Variants in PPM1E observed in about 807,000 individuals in gnomAD.
The protein encoded by PPM1E is protein phosphatase, Mg2+/Mn2+ dependent 1E, also known as protein phosphatase 1E.
A neutral mutation model predicts 65.9 loss-of-function variants in PPM1E; 20 were observed. The observed-to-expected ratio is 0.30, with a 90% CI of 0.21 to 0.44. PPM1E has a LOEUF of 0.44. PPM1E is among the 20% of genes least tolerant of loss of function. The pLI, the probability that PPM1E is intolerant of heterozygous loss-of-function variation, is 1.00. For missense variants in PPM1E, 713 were observed against 953.1 expected (o/e 0.75, Z 3.32); for synonymous variants, 352 against 374.9 (o/e 0.94, Z 0.70).
At chr17:58,886,925 T>C (rs961582996) in intron 1 of PPM1E, among the ~76,000 whole-genome samples, 8 of 152,152 alleles carry the variant, frequency 5.3e-5, no homozygotes, top group Admixed American at 4.6e-4. Flanking sequence ...GGGAACTCTC[T>C]GTACTTCTTC....
At chr17:58,767,152 A>G (rs1459015644) in intron 1 of PPM1E, among the ~76,000 whole-genome samples, 1 of 152,162 alleles carries the variant, frequency 6.6e-6, no homozygotes, top group Non-Finnish European at 1.5e-5. Flanking sequence ...TATGAATAGT[A>G]GACACCTGTT....
intron 2 of PPM1E, among the ~76,000 whole-genome samples, chr17:58,956,236 C>A (rs1369430712): frequency 6.6e-6 from 1 of 152,026 alleles, no homozygotes; most frequent in African/African-American, 2.4e-5. Context: ...GAGTTTGAGA[C>A]CAGCCTGGCC....
chr17:58,953,686 A>G (rs1464346708), intron 1 of PPM1E, among the ~76,000 whole-genome samples: 2 of 152,058 alleles, frequency 1.3e-5, no homozygotes, highest in Non-Finnish European at 2.9e-5. Flanking sequence ...CTCAAATGCC[A>G]GACTAGAATA....
chr17:58,904,151 A>T (rs1250848564), intron 1 of PPM1E, among the ~76,000 whole-genome samples: 3 of 152,174 alleles, frequency 2.0e-5, no homozygotes, highest in African/African-American at 7.2e-5. Flanking sequence ...CATAATAAAT[A>T]AAAAAGGTAC....
At chr17:58,979,382 A>AT (rs1439101494) in intron 6 of PPM1E, among the ~76,000 whole-genome samples, 2 of 152,242 alleles carry the variant, frequency 1.3e-5, no homozygotes, top group African/African-American at 4.8e-5. Context: ...GGTCAGCCAC[A>AT]TAACTCCTCC....
At position 58,784,835 on chromosome 17, in the gene PPM1E, T is replaced by A. The variant is rs9889913; in HGVS notation, c.464+28374T>A. On this transcript the variant is annotated intron_variant, in intron 1 of 6. Transcript: ENST00000308249. The stretch of plus-strand genomic sequence containing the variant: ...ACCATGCCTAGCCTTACCCATTTTT[T>A]AAATTGGGTTATTTATCTTTTATTA... Among the ~76,000 whole-genome samples the A allele has an allele frequency of 9.3e-4, 141 of 152,316 alleles. 1 individual carries two copies. The highest frequency in any genetic ancestry group is 3.3e-3 in the African/African-American group (138 of 41,578).
chr17:58,805,981 AAAACAAAACAAAAC>A lies in PPM1E; in HGVS notation c.464+49524_464+49537del, dbSNP rs1567838895. On this transcript the variant is annotated intron_variant, in intron 1 of 6. Coordinates refer to ENST00000308249, the MANE Select transcript of PPM1E (RefSeq NM_014906.5). Reference sequence around the variant, plus strand: ...AAAAACAAAAAAAAAAAACAAAAAAAAAACAAAACAAAACAAAACAAAAAAAAAACTATATGTAG... The same window carrying A: ...AAAAACAAAAAAAAAAAACAAAAAAAAAAACAAAAAAAAAACTATATGTAG... Among the ~76,000 whole-genome samples, 41 of 100,680 alleles carry A rather than the reference AAAACAAAACAAAAC, an allele frequency of 4.1e-4. 1 individual carries two copies. The highest frequency in any genetic ancestry group is 2.6e-3 in the East Asian group (9 of 3,422). The allele number at this position is 100,680 out of a possible 152,430, so 66.0% of individuals were successfully genotyped here.
At chr17:58,936,663 A>G (rs919019826) in intron 1 of PPM1E, among the ~76,000 whole-genome samples, 1 of 152,228 alleles carries the variant, frequency 6.6e-6, no homozygotes, top group Non-Finnish European at 1.5e-5. Flanking sequence ...GTTTATAACA[A>G]GAATTCAGTT....
At position 58,969,678 on chromosome 17, in the gene PPM1E, G is replaced by C. The variant is rs1307565379; in HGVS notation, c.923G>C (p.Arg308Thr). 1 of 1,614,184 alleles carries C rather than the reference G, an allele frequency of 6.2e-7. No individual in the cohort carries two copies. Among genetic ancestry groups the C allele is most frequent in the South Asian group, 1.1e-5 (1 of 91,088 alleles). Residue 308 changes from arginine (R) to threonine (T), a missense_variant, in exon 4 of 7, where the codon AGG becomes ACG. Arg to Thr is a moderately conservative substitution (Grantham distance 71). Transcript: ENST00000308249. Reference protein sequence around the residue: ...FPHDPAEALCRAFRVTDERFV... With the variant: ...FPHDPAEALCTAFRVTDERFV... ...CATGATCCTGCTGAGGCCCTGTGCA[G>C]GGCCTTCCGGGTCACTGATGAGCGG...
At chr17:58,877,909 G>A (rs781368362) in intron 1 of PPM1E, among the ~76,000 whole-genome samples, 8 of 151,896 alleles carry the variant, frequency 5.3e-5, no homozygotes, top group Non-Finnish European at 1.0e-4. Flanking sequence ...AGGGATTATG[G>A]TAAGAGGATC....
chr17:58,823,874 G>T (rs2050505138), intron 1 of PPM1E, among the ~76,000 whole-genome samples: 2 of 152,012 alleles, frequency 1.3e-5, no homozygotes, highest in South Asian at 2.1e-4. Context: ...GGAACTACAG[G>T]TACCCGCCAC....
At chr17:58,791,340 C>T (rs2050156219) in intron 1 of PPM1E, among the ~76,000 whole-genome samples, 2 of 152,016 alleles carry the variant, frequency 1.3e-5, no homozygotes, top group Admixed American at 1.3e-4. Context: ...AAAAGGAAAA[C>T]CTAATTTAGA....
intron 1 of PPM1E, among the ~76,000 whole-genome samples, chr17:58,836,386 C>G (rs2050656312): frequency 6.6e-6 from 1 of 151,528 alleles, no homozygotes; most frequent in Non-Finnish European, 1.5e-5. Flanking sequence ...CTTTGGGAGG[C>G]CAAGGTATGA....
At chr17:58,901,402 G>A (rs560991140) in intron 1 of PPM1E, among the ~76,000 whole-genome samples, 45 of 152,264 alleles carry the variant, frequency 3.0e-4, no homozygotes, top group Non-Finnish European at 5.1e-4. Flanking sequence ...GGCTGTGTGC[G>A]GTGGCTCACG....
rs2031279035 is a variant in PPM1E, at chr17:58,980,271, G to A, written c.1508G>A (p.Trp503Ter). Residue 503 changes from tryptophan to a stop codon, truncating the protein, a stop_gained, in exon 7 of 7, where the codon TGG becomes TAG. Transcript: ENST00000308249. LOFTEE classifies it high-confidence loss of function. This position sits in a 1 kb window ranked among gnomAD's most constrained non-coding sequence, Gnocchi z 4.7. ...KAVNVSEESD[W>*]TENSFQGGQE... ...GTAAATGTTAGTGAGGAATCAGATT[G>A]GACAGAGAACTCTTTTCAAGGAGGG... 1 of 1,614,040 alleles carries A rather than the reference G, an allele frequency of 6.2e-7. No individual in the cohort carries two copies. The highest frequency in any genetic ancestry group is 1.3e-5 in the African/African-American group (1 of 74,904).
Position 58,980,493 on chromosome 17 carries a change from C to T in PPM1E, c.1730C>T (p.Ala577Val). Residue 577 changes from alanine (A) to valine (V), a missense_variant, in exon 7 of 7, where the codon GCA becomes GTA. By Grantham distance (64) the Ala-to-Val change is moderately conservative. Around this residue, in one of 6 missense-constraint regions of PPM1E, gnomAD observed 286 missense variants for 313.8 expected, o/e 0.91. Coordinates refer to ENST00000308249, the MANE Select transcript of PPM1E (RefSeq NM_014906.5). The surrounding 1 kb of genome is among the most constrained non-coding windows in gnomAD (Gnocchi z 4.7). ...TACCTAGATCTCACACAAATAGAAG[C>T]AAGCAAACCTCACAGTGCCCAGTTT... is the stretch of plus-strand genomic sequence containing the variant. ...PGYLDLTQIE[A>V]SKPHSAQFLL... 6.2e-7 allele frequency: 1 copy of T among 1,614,182 alleles called. No individual in the cohort carries two copies. Among genetic ancestry groups the T allele is most frequent in the Non-Finnish European group, 8.5e-7 (1 of 1,180,036 alleles).
intron 1 of PPM1E, among the ~76,000 whole-genome samples, chr17:58,841,520 A>AATTTTT (rs1567850511): frequency 6.9e-6 from 1 of 144,090 alleles, no homozygotes. Context: ...AAAAACAAAT[A>AATTTTT]CTTTTTTTTT....
Position 58,981,271 on chromosome 17 carries a change from A to T in PPM1E, c.*240A>T. 1 of 440,530 alleles carries T rather than the reference A, an allele frequency of 2.3e-6. No individual in the cohort carries two copies. The highest frequency in any genetic ancestry group is 4.0e-6 in the Non-Finnish European group (1 of 250,266). 27.3% of individuals were successfully genotyped at this position (440,530 alleles called of 1,614,324 possible). A position where few individuals can be genotyped will look rare whatever the true frequency, so the allele number is the denominator to read the frequency against. ...GTCCCTGTGATGTGTCTCGACACCA[A>T]TACACAACCCCCTTCCCACCATCCT... On this transcript the variant is annotated 3_prime_UTR_variant, in exon 7 of 7. Transcript: ENST00000308249.
At chr17:58,835,739 C>T (rs1031809138) in intron 1 of PPM1E, among the ~76,000 whole-genome samples, 2 of 151,582 alleles carry the variant, frequency 1.3e-5, no homozygotes. Context: ...CATGGTGGTG[C>T]ATGCCTGCAG....
Sources: allele counts gnomAD v4.1 joint callset (sites outside exome capture counted in the v4.1 genomes callset), GRCh38; gene constraint gnomAD v4.1.1; regional missense constraint gnomAD v4.1.1; non-coding constraint Gnocchi (gnomAD v3.1); transcripts MANE v1.5; gene names NCBI Gene and HGNC (gene_info 2026-07-23, HGNC 2026-07-21).